The following CREB3L2 variants were observed in gnomAD, a reference collection of about 807,000 sequenced individuals.
The protein encoded by CREB3L2 is cAMP responsive element binding protein 3 like 2.
A neutral mutation model predicts 57.2 loss-of-function variants in CREB3L2; 23 were observed. The observed-to-expected ratio is 0.40, with a 90% confidence interval of 0.29 to 0.57. The LOEUF (loss-of-function observed/expected upper bound fraction) is 0.57. Among genes scored for constraint, CREB3L2 ranks in the 20% least tolerant of loss-of-function variants. The pLI is 0.42. For synonymous variants in CREB3L2, 268 were observed against 265.1 expected (o/e 1.01, Z -0.11); for missense variants, 628 against 634.7 (o/e 0.99, Z 0.11).
chr7:137,903,220 C>T (rs927298937), intron 7 of CREB3L2, among the ~76,000 whole-genome samples: 1 of 152,136 alleles, frequency 6.6e-6, no homozygotes, highest in African/African-American at 2.4e-5. Context: ...ATTACCAGTA[C>T]TTAAGTCAGG....
Position 137,876,771 on chromosome 7 carries a change from A to G in CREB3L2, c.*3705T>C, listed in dbSNP as rs527824321. ...CTGGTGTCTTTAACCCAGGTTTCTT[A>G]AAGACTGGCTTCAATAGAACCAACT... On this transcript the variant is annotated 3_prime_UTR_variant, in exon 12 of 12. Transcript: ENST00000330387. 3 of 232,230 alleles carry G rather than the reference A, an allele frequency of 1.3e-5. No individual in the cohort carries two copies. Among genetic ancestry groups the G allele is most frequent in the African/African-American group, 4.4e-5 (2 of 45,254 alleles). The allele number at this position is 232,230 out of a possible 1,614,324, so 14.4% of individuals were successfully genotyped here.
chr7:137,897,123 T>A (rs1057443704), intron 8 of CREB3L2, among the ~76,000 whole-genome samples: 1 of 152,202 alleles, frequency 6.6e-6, no homozygotes, highest in Non-Finnish European at 1.5e-5. Flanking sequence ...AAGGTAATTA[T>A]GTGGAGTGAT....
chr7:137,952,471 C>T (rs1377084531), intron 1 of CREB3L2, among the ~76,000 whole-genome samples: 1 of 152,220 alleles, frequency 6.6e-6, no homozygotes, highest in East Asian at 1.9e-4. Flanking sequence ...ATGACCCCTA[C>T]GGTAGCCACA....
chr7:137,879,999 G>A lies in CREB3L2; in HGVS notation c.*477C>T. ...TGGGCGGAGGGCTGCTGTCGGGGGT[G>A]TTCACACCAGAGACCCCAGTGCGAG... is the stretch of plus-strand genomic sequence containing the variant. On this transcript the variant is annotated 3_prime_UTR_variant, in exon 12 of 12. Coordinates refer to ENST00000330387, the MANE Select transcript of CREB3L2 (RefSeq NM_194071.4). 1 of 245,394 alleles carries A rather than the reference G, an allele frequency of 4.1e-6. No individual in the cohort carries two copies. The highest frequency in any genetic ancestry group is 8.0e-6 in the Non-Finnish European group (1 of 125,242). The allele number at this position is 245,394 out of a possible 1,614,324, so 15.2% of individuals were successfully genotyped here.
At chr7:137,890,490 T>C (rs1174480711) in intron 8 of CREB3L2, among the ~76,000 whole-genome samples, 2 of 152,352 alleles carry the variant, frequency 1.3e-5, no homozygotes, top group African/African-American at 4.8e-5. Context: ...TGAGTTTCAA[T>C]CAGAGGATGA....
At chr7:137,957,953 A>C in intron 1 of CREB3L2, 1 of 376,802 alleles carries the variant, frequency 2.7e-6, no homozygotes, top group Non-Finnish European at 5.1e-6. Flanking sequence ...AGGCAGGAAC[A>C]TTGTGTCTGG....
chr7:137,938,926 A>G (rs1800837228), intron 1 of CREB3L2, among the ~76,000 whole-genome samples: 1 of 152,214 alleles, frequency 6.6e-6, no homozygotes, highest in South Asian at 2.1e-4. Context: ...ATGAAGGGAG[A>G]AACACCCCAC....
intron 1 of CREB3L2, among the ~76,000 whole-genome samples, chr7:137,959,908 C>A (rs1317234506): frequency 6.6e-6 from 1 of 152,176 alleles, no homozygotes; most frequent in Non-Finnish European, 1.5e-5. Flanking sequence ...AGTAACTTTT[C>A]ACTTTCACTC....
intron 1 of CREB3L2, among the ~76,000 whole-genome samples, chr7:137,932,427 C>T (rs10263198): frequency 0.025 from 3,824 of 152,124 alleles, 138 homozygotes; most frequent in African/African-American, 0.078. Flanking sequence ...AAGTTAAAGA[C>T]GTCTATATTA....
chr7:137,901,061 T>A (rs1017298161), intron 8 of CREB3L2, among the ~76,000 whole-genome samples: 2 of 152,218 alleles, frequency 1.3e-5, no homozygotes, highest in African/African-American at 4.8e-5. Flanking sequence ...AGAATATGCA[T>A]GTATGTGTAC....
chr7:137,964,122 C>A (rs1801369283), intron 1 of CREB3L2, among the ~76,000 whole-genome samples: 1 of 152,130 alleles, frequency 6.6e-6, no homozygotes, highest in Admixed American at 6.5e-5. Context: ...CGTAGACCAG[C>A]CTGGCCAACA....
intron 1 of CREB3L2, among the ~76,000 whole-genome samples, chr7:137,969,346 T>C (rs1398250228): frequency 3.6e-5 from 5 of 139,028 alleles, no homozygotes; most frequent in African/African-American, 1.3e-4. Context: ...TCTTCTTTTT[T>C]TTTTTTTTTT....
At chr7:137,898,357 C>T (rs1453400510) in intron 8 of CREB3L2, among the ~76,000 whole-genome samples, 1 of 152,114 alleles carries the variant, frequency 6.6e-6, no homozygotes, top group African/African-American at 2.4e-5. Context: ...GTAGAGGTTC[C>T]TCAAAATATT....
chr7:137,968,983 G>C (rs1183322723), intron 1 of CREB3L2, among the ~76,000 whole-genome samples: 1 of 152,198 alleles, frequency 6.6e-6, no homozygotes, highest in Non-Finnish European at 1.5e-5. Context: ...GAAAAAAGTG[G>C]ATCAGAGGAG....
intron 1 of CREB3L2, among the ~76,000 whole-genome samples, chr7:137,997,218 A>T (rs1413770922): frequency 6.6e-6 from 1 of 152,108 alleles, no homozygotes; most frequent in African/African-American, 2.4e-5. Flanking sequence ...TACAAGTTGT[A>T]TTTCTTCCAT....
chr7:137,978,261 G>C (rs1801643622), intron 1 of CREB3L2, among the ~76,000 whole-genome samples: 1 of 152,126 alleles, frequency 6.6e-6, no homozygotes, highest in African/African-American at 2.4e-5. Flanking sequence ...TATCTCTCTA[G>C]AGATTATCTG....
rs59967148 is a variant in CREB3L2 at position 138,001,082 on chromosome 7, AACACACACACACAC to A, written c.102+508_102+521del. On this transcript the variant is annotated intron_variant, in intron 1 of 11. Coordinates refer to ENST00000330387, the MANE Select transcript of CREB3L2 (RefSeq NM_194071.4). The surrounding 1 kb of genome is among the most constrained non-coding windows in gnomAD (Gnocchi z 4.2). ...CTCCCTAACGTAGAGGAGCCCTTTC[AACACACACACACAC>A]ACACACACACACACACACACACACA... Among the ~76,000 whole-genome samples the A allele has an allele frequency of 8.1e-3, 1,102 of 136,806 alleles. 29 individuals are homozygous for A. The highest frequency in any genetic ancestry group is 7.7e-3 in the African/African-American group (287 of 37,410). The allele number at this position is 136,806 out of a possible 152,430, so 89.8% of individuals were successfully genotyped here.
At chr7:137,984,643 C>T (rs1257970933) in intron 1 of CREB3L2, among the ~76,000 whole-genome samples, 1 of 152,224 alleles carries the variant, frequency 6.6e-6, no homozygotes, top group Admixed American at 6.5e-5. Flanking sequence ...AGCTTGTCAT[C>T]TTCATACTTT....
At chr7:137,999,822 A>C (rs1352525682) in intron 1 of CREB3L2, 1 of 152,254 alleles carries the variant, frequency 6.6e-6, no homozygotes, top group Admixed American at 6.5e-5. Flanking sequence ...TAAGTGGAGG[A>C]CATAATAAGC....
Sources: gnomAD v4.1 joint callset for allele counts (sites outside exome capture counted in the v4.1 genomes callset) on GRCh38, gnomAD v4.1.1 for gene constraint, Gnocchi (gnomAD v3.1) non-coding constraint, MANE v1.5 for transcripts, NCBI Gene and HGNC (gene_info 2026-07-23, HGNC 2026-07-21) for gene names.